Variants in MITF observed in about 807,000 individuals in gnomAD.
MITF encodes the protein microphthalmia-associated transcription factor.
Under a neutral mutation model 60.5 loss-of-function variants are expected in MITF, and 17 were observed. The observed-to-expected ratio is 0.28, with a 90% CI of 0.19 to 0.42. The LOEUF is 0.42. Among genes scored for constraint, MITF ranks in the 10% least tolerant of loss-of-function variants. The probability of loss-of-function intolerance (pLI) is 1.00; values close to 1 mark genes in which losing one functional copy is unlikely to be tolerated. For missense variants in MITF, 622 were observed against 683.5 expected, an observed-to-expected ratio of 0.91 and a Z score of 1.00; for synonymous variants, 260 against 248.5, an observed-to-expected ratio of 1.05 and a Z score of -0.43.
intron 1 of MITF, among the ~76,000 whole-genome samples, chr3:69,769,037 G>C (rs1295317534): frequency 6.6e-6 from 1 of 152,164 alleles, no homozygotes; most frequent in Admixed American, 6.5e-5. Context: ...GTGGCTGTGT[G>C]AGTTTGGGCA....
At chr3:69,938,283 G>A in intron 3 of MITF, 1 of 1,367,254 alleles carries the variant, frequency 7.3e-7, no homozygotes, top group Non-Finnish European at 1.0e-6. Context: ...AAATGTGGAG[G>A]CGAGGACACT....
intron 5 of MITF, among the ~76,000 whole-genome samples, chr3:69,944,999 T>A (rs1322765195): frequency 5.3e-5 from 8 of 152,054 alleles, no homozygotes; most frequent in Non-Finnish European, 1.2e-4. Context: ...TAGGAAAAAA[T>A]AAAGTGGAAG....
At chr3:69,939,243 G>T in intron 4 of MITF, 62 bp downstream of exon 4, 1 of 1,439,072 alleles carries the variant, frequency 6.9e-7, no homozygotes, top group African/African-American at 1.4e-5. Context: ...TATTTGTGGT[G>T]GATCACACCT....
intron 1 of MITF, among the ~76,000 whole-genome samples, chr3:69,839,870 A>T (rs1313247146): frequency 6.6e-6 from 1 of 152,044 alleles, no homozygotes; most frequent in Non-Finnish European, 1.5e-5. Flanking sequence ...CATATAAATA[A>T]TTGCACCCCA....
At chr3:69,820,764 C>G (rs62252170) in intron 1 of MITF, among the ~76,000 whole-genome samples, 1 of 152,174 alleles carries the variant, frequency 6.6e-6, no homozygotes, top group South Asian at 2.1e-4. Flanking sequence ...CTGGCCTGCC[C>G]AACACTCTGC....
chr3:69,826,450 G>C (rs1331031683), intron 1 of MITF, among the ~76,000 whole-genome samples: 1 of 152,138 alleles, frequency 6.6e-6, no homozygotes, highest in Non-Finnish European at 1.5e-5. Context: ...CTAGGATTTA[G>C]TTATCCATTC....
intron 1 of MITF, among the ~76,000 whole-genome samples, chr3:69,745,473 G>A (rs536030316): frequency 1.3e-5 from 2 of 152,302 alleles, no homozygotes; most frequent in South Asian, 2.1e-4. Flanking sequence ...AACTGGGGAG[G>A]CAGTTTTGTG....
In MITF at chr3:69,968,212, G is replaced by A. The variant is rs2066738096; in HGVS notation, c.*2964G>A. 4.3e-6 allele frequency: 1 copy of A among 232,710 alleles called. No individual in the cohort carries two copies. The highest frequency in any genetic ancestry group is 8.5e-6 in the Non-Finnish European group (1 of 117,460). The allele number at this position is 232,710 out of a possible 1,614,324, so 14.4% of individuals were successfully genotyped here. On this transcript the variant is annotated 3_prime_UTR_variant, in exon 10 of 10. Transcript: ENST00000352241. ...GTAATGTTAATAATAGTCACCTGCT[G>A]TTGGATGCAGCAATAATTTCTGTAT...
chr3:69,879,809 T>G (rs2064443029), intron 2 of MITF, among the ~76,000 whole-genome samples: 2 of 152,236 alleles, frequency 1.3e-5, no homozygotes, highest in African/African-American at 4.8e-5. Flanking sequence ...CTGACTGTTT[T>G]AGAGAGCTCT....
intron 1 of MITF, among the ~76,000 whole-genome samples, chr3:69,798,108 G>T (rs6798971): frequency 0.011 from 1,643 of 152,278 alleles, 30 homozygotes; most frequent in African/African-American, 0.037. Context: ...TAACTGATCT[G>T]GTTCTGCCTC....
At chr3:69,850,107 T>C (rs750037315) in intron 1 of MITF, among the ~76,000 whole-genome samples, 1 of 152,210 alleles carries the variant, frequency 6.6e-6, no homozygotes, top group Non-Finnish European at 1.5e-5. Flanking sequence ...TTATTGTTTA[T>C]AGGATCCCCC....
intron 2 of MITF, among the ~76,000 whole-genome samples, chr3:69,881,520 A>G (rs1341584468): frequency 6.6e-6 from 1 of 152,110 alleles, no homozygotes; most frequent in Non-Finnish European, 1.5e-5. Context: ...AGAGAATATC[A>G]TATAAGTGAT....
chr3:69,763,014 T>C (rs2062234357), intron 1 of MITF, among the ~76,000 whole-genome samples: 1 of 152,176 alleles, frequency 6.6e-6, no homozygotes, highest in Non-Finnish European at 1.5e-5. Flanking sequence ...CCTTTTCTTT[T>C]CTGGAGAGGT....
chr3:69,822,931 A>T, intron 1 of MITF, among the ~76,000 whole-genome samples: 1 of 147,168 alleles, frequency 6.8e-6, no homozygotes, highest in Admixed American at 6.8e-5. Flanking sequence ...AAAGAGTCTC[A>T]CTCTGTCACC....
intron 1 of MITF, among the ~76,000 whole-genome samples, chr3:69,815,952 T>C (rs932306297): frequency 6.6e-6 from 1 of 152,200 alleles, no homozygotes; most frequent in Non-Finnish European, 1.5e-5. Context: ...AGTTTAGCCC[T>C]ATACCCAAGT....
intron 1 of MITF, among the ~76,000 whole-genome samples, chr3:69,776,011 A>G (rs2062467968): frequency 6.6e-6 from 1 of 152,264 alleles, no homozygotes; most frequent in African/African-American, 2.4e-5. Flanking sequence ...AAAGGTATCT[A>G]TGAATAGTCA....
At chr3:69,750,507 C>G (rs978323550) in intron 1 of MITF, among the ~76,000 whole-genome samples, 2 of 125,622 alleles carry the variant, frequency 1.6e-5, no homozygotes, top group Admixed American at 1.9e-4. Flanking sequence ...GTATTCTGAT[C>G]TGGTGAATTT....
chr3:69,958,391 C>G (rs1210561338), intron 8 of MITF, among the ~76,000 whole-genome samples: 2 of 152,148 alleles, frequency 1.3e-5, no homozygotes, highest in African/African-American at 2.4e-5. Flanking sequence ...AGGGAATTCT[C>G]TGGGGGCTGG....
chr3:69,872,133 G>A (rs2064252792), intron 1 of MITF, among the ~76,000 whole-genome samples: 1 of 152,146 alleles, frequency 6.6e-6, no homozygotes, highest in South Asian at 2.1e-4. Flanking sequence ...TCTCAGAGGC[G>A]ATTTCCTTGA....
Sources: allele counts gnomAD v4.1 joint callset (sites outside exome capture counted in the v4.1 genomes callset), GRCh38; gene constraint gnomAD v4.1.1; transcripts MANE v1.5; gene names NCBI Gene and HGNC (gene_info 2026-07-23, HGNC 2026-07-21).